The following EPHA6 variants were observed in gnomAD, a reference collection of about 807,000 sequenced individuals.
EPHA6 encodes ephrin type-A receptor 6.
EPHA6 carries 50 observed loss-of-function variants against 112.0 expected under a neutral mutation model. The observed-to-expected ratio is 0.45, with a 90% CI of 0.36 to 0.56. The LOEUF is 0.56. Among genes scored for constraint, EPHA6 ranks in the 20% least tolerant of loss-of-function variants. The pLI is 0.00. For synonymous variants in EPHA6, 529 were observed against 490.7 expected, an observed-to-expected ratio of 1.08 and a Z score of -1.03; for missense variants, 1,280 against 1,417.4, an observed-to-expected ratio of 0.90 and a Z score of 1.56.
At chr3:97,699,046 T>C (rs1204576974) in intron 14 of EPHA6, among the ~76,000 whole-genome samples, 1 of 152,118 alleles carries the variant, frequency 6.6e-6, no homozygotes, top group African/African-American at 2.4e-5. Context: ...ATTCTGGAAA[T>C]TGTGACATAT....
At chr3:97,084,280 A>G (rs1318071243) in intron 3 of EPHA6, among the ~76,000 whole-genome samples, 1 of 151,322 alleles carries the variant, frequency 6.6e-6, no homozygotes, top group Non-Finnish European at 1.5e-5. Context: ...TACACAAAAA[A>G]AGTTAGAGCC....
intron 11 of EPHA6, among the ~76,000 whole-genome samples, chr3:97,541,718 CTTTTTTTTGTTTTT>C (rs1247742455): frequency 2.5e-5 from 3 of 118,128 alleles, no homozygotes; most frequent in South Asian, 2.5e-4. Context: ...GTCTTGTTTT[CTTTTTTTTGTTTTT>C]TTTTTTTTGT....
intron 3 of EPHA6, among the ~76,000 whole-genome samples, chr3:97,115,224 G>A (rs1188340449): frequency 2.6e-5 from 4 of 151,824 alleles, no homozygotes; most frequent in African/African-American, 9.7e-5. Flanking sequence ...CTTTATTTCA[G>A]AAAGGAATTT....
intron 3 of EPHA6, among the ~76,000 whole-genome samples, chr3:97,211,376 T>G (rs567876444): frequency 6.6e-6 from 1 of 152,314 alleles, no homozygotes; most frequent in South Asian, 2.1e-4. Flanking sequence ...AAGTTCTATC[T>G]TTTATTCCCA....
At chr3:97,057,588 G>A (rs545983285) in intron 3 of EPHA6, among the ~76,000 whole-genome samples, 21 of 152,218 alleles carry the variant, frequency 1.4e-4, no homozygotes, top group Non-Finnish European at 2.6e-4. Flanking sequence ...TGTGTGAGGC[G>A]AATACACAGA....
intron 5 of EPHA6, among the ~76,000 whole-genome samples, chr3:97,272,248 A>G (rs1000779426): frequency 1.3e-5 from 2 of 152,062 alleles, no homozygotes; most frequent in Non-Finnish European, 2.9e-5. Context: ...CCATGTTGTT[A>G]CTAATGGCAG....
intron 2 of EPHA6, among the ~76,000 whole-genome samples, chr3:96,903,542 A>G (rs990309639): frequency 2.0e-5 from 3 of 152,204 alleles, no homozygotes; most frequent in Non-Finnish European, 2.9e-5. Flanking sequence ...AAACTTTACT[A>G]TAAAGTTTGT....
intron 2 of EPHA6, among the ~76,000 whole-genome samples, chr3:96,904,951 G>C (rs1559817963): frequency 6.6e-6 from 1 of 152,096 alleles, no homozygotes; most frequent in Non-Finnish European, 1.5e-5. Flanking sequence ...TGTTTATGCT[G>C]ATACCCATCG....
intron 14 of EPHA6, among the ~76,000 whole-genome samples, chr3:97,669,365 C>T: frequency 7.5e-6 from 1 of 132,640 alleles, no homozygotes; most frequent in Admixed American, 7.3e-5. Flanking sequence ...CAGTAATTAT[C>T]TTGCATCTCC....
At chr3:97,269,697 G>C (rs1370621356) in intron 5 of EPHA6, among the ~76,000 whole-genome samples, 2 of 152,224 alleles carry the variant, frequency 1.3e-5, no homozygotes, top group East Asian at 1.9e-4. Flanking sequence ...TTGTTTCCCA[G>C]ATGAAAACAT....
intron 16 of EPHA6, among the ~76,000 whole-genome samples, chr3:97,737,230 G>C (rs2035300421): frequency 6.6e-6 from 1 of 152,036 alleles, no homozygotes; most frequent in African/African-American, 2.4e-5. Context: ...AGCCATGGAA[G>C]GATTTTAAGC....
intron 3 of EPHA6, among the ~76,000 whole-genome samples, chr3:97,126,897 GA>G (rs11463537): frequency 1.3e-3 from 168 of 126,332 alleles, no homozygotes; most frequent in South Asian, 3.5e-3. Context: ...GGGAGAAGGT[GA>G]AAAAAAAAAA....
At chr3:97,401,360 A>G (rs1299568001) in intron 5 of EPHA6, among the ~76,000 whole-genome samples, 3 of 151,686 alleles carry the variant, frequency 2.0e-5, no homozygotes, top group South Asian at 2.1e-4. Context: ...CATGTTACTC[A>G]TTATGGGTCT....
At chr3:96,843,118 T>C (rs2034849783) in intron 1 of EPHA6, among the ~76,000 whole-genome samples, 1 of 152,130 alleles carries the variant, frequency 6.6e-6, no homozygotes, top group African/African-American at 2.4e-5. Context: ...CGTCATCTCT[T>C]GTTTTCAGCT....
intron 3 of EPHA6, among the ~76,000 whole-genome samples, chr3:97,084,111 T>C (rs574723534): frequency 1.1e-4 from 13 of 120,362 alleles, no homozygotes; most frequent in African/African-American, 4.3e-4. Context: ...GATATATATA[T>C]ATATATATAT....
intron 5 of EPHA6, among the ~76,000 whole-genome samples, chr3:97,278,382 A>C (rs1012537893): frequency 6.6e-6 from 1 of 152,220 alleles, no homozygotes; most frequent in Non-Finnish European, 1.5e-5. Context: ...TGTATACAGG[A>C]AGTTCTTTCA....
rs542201038 is a variant in EPHA6 at position 96,968,421 on chromosome 3, A to G, written c.451-18909A>G. Among the ~76,000 whole-genome samples, 450 of 150,862 alleles carry G rather than the reference A, an allele frequency of 3.0e-3. 4 individuals are homozygous for G. The highest frequency in any genetic ancestry group is 9.9e-3 in the African/African-American group (407 of 41,202). ...ACACACACACACACACACACATTCT[A>G]TGTATTTTGAGAGTAGCTTCAAAAA... On this transcript the variant is annotated intron_variant, in intron 2 of 17. Transcript: ENST00000389672.
chr3:97,244,084 T>C lies in EPHA6; in HGVS notation c.1403T>C (p.Leu468Ser), dbSNP rs1308183327. ...AGTGTAATCTGTAAGAAATGTGGCT[T>C]AGACACCAGCCAGTGTGAGGACTGT... ...TYSVICKKCG[L>S]DTSQCEDCGG... Residue 468 changes from leucine to serine, a missense_variant, in exon 5 of 18, where the codon TTA (leucine) becomes TCA (serine). By Grantham distance (145) the Leu-to-Ser change is moderately radical (BLOSUM62 -2). Around this residue, in one of 4 missense-constraint regions of EPHA6, gnomAD observed 878 missense variants for 999.7 expected, o/e 0.88. Coordinates refer to ENST00000389672, the MANE Select transcript of EPHA6 (RefSeq NM_001080448.3). 6.2e-7 allele frequency: 1 copy of C among 1,612,838 alleles called. No individual in the cohort carries two copies. Among genetic ancestry groups the C allele is most frequent in the East Asian group, 2.2e-5 (1 of 44,862 alleles).
intron 7 of EPHA6, among the ~76,000 whole-genome samples, chr3:97,465,039 A>G (rs1692355947): frequency 6.6e-6 from 1 of 152,086 alleles, no homozygotes; most frequent in Non-Finnish European, 1.5e-5. Context: ...GATGGCAAAT[A>G]CCCAGTTTGT....
Sources: gnomAD v4.1 joint callset for allele counts (sites outside exome capture counted in the v4.1 genomes callset) on GRCh38, gnomAD v4.1.1 for gene constraint, gnomAD v4.1.1 regional missense constraint, MANE v1.5 for transcripts, NCBI Gene and HGNC (gene_info 2026-07-23, HGNC 2026-07-21) for gene names.